MYO3B: variants seen among roughly 807,000 people sequenced by gnomAD.
MYO3B encodes myosin-IIIb.
In MYO3B, 156 loss-of-function variants were observed where a neutral mutation model predicts 174.6. That is an observed-to-expected ratio of 0.89 (90% confidence interval 0.78 to 1.02). The LOEUF is 1.02. MYO3B is among the 50% of genes least tolerant of loss of function. The pLI, the probability that MYO3B is intolerant of heterozygous loss-of-function variation, is 0.00. For missense variants in MYO3B, 1,632 were observed against 1,639.4 expected (o/e 1.00, Z 0.08); for synonymous variants, 563 against 569.1 (o/e 0.99, Z 0.15).
At chr2:170,263,484 G>A (rs1160675499) in intron 7 of MYO3B, among the ~76,000 whole-genome samples, 1 of 152,104 alleles carries the variant, frequency 6.6e-6, no homozygotes, top group Non-Finnish European at 1.5e-5. Flanking sequence ...CTACCATCTC[G>A]GAGAGGGGGA....
At chr2:170,554,290 T>G (rs1691126990) in intron 32 of MYO3B, among the ~76,000 whole-genome samples, 1 of 152,244 alleles carries the variant, frequency 6.6e-6, no homozygotes, top group Admixed American at 6.5e-5. Context: ...TGTGGATACC[T>G]ACCAAGATTG....
At chr2:170,228,060 G>A (rs1345355553) in intron 6 of MYO3B, among the ~76,000 whole-genome samples, 1 of 152,194 alleles carries the variant, frequency 6.6e-6, no homozygotes, top group Non-Finnish European at 1.5e-5. Context: ...GGACAGGGAA[G>A]TGAGAGGCGG....
At position 170,621,514 on chromosome 2, in the gene MYO3B, TG is replaced by T. The variant is rs1202912077; in HGVS notation, c.3734-30113del. On this transcript the variant is annotated intron_variant, in intron 32 of 34. Transcript: ENST00000408978. ...AACTGGAAATGTTTTTTTGTTTTTTTGTTTTTTTGTTTTTGAGACAGAGTCT... is the reference window on the plus strand; with the variant it reads ...AACTGGAAATGTTTTTTTGTTTTTTTTTTTTTTGTTTTTGAGACAGAGTCT... 6.3e-5 allele frequency among the ~76,000 whole-genome samples: 9 copies of T among 141,786 alleles called. No homozygotes were observed. The South Asian group carries it at 9.5e-4, about 15-fold the overall frequency. 93.0% of individuals were successfully genotyped at this position (141,786 alleles called of 152,430 possible). A position where few individuals can be genotyped will look rare whatever the true frequency, so the allele number is the denominator to read the frequency against.
At chr2:170,502,119 G>A (rs569653400) in intron 28 of MYO3B, among the ~76,000 whole-genome samples, 1 of 152,182 alleles carries the variant, frequency 6.6e-6, no homozygotes, top group Non-Finnish European at 1.5e-5. Context: ...TGATATTATA[G>A]AGGAGGAAAC....
At chr2:170,527,972 G>A (rs1039643738) in intron 30 of MYO3B, among the ~76,000 whole-genome samples, 1 of 152,196 alleles carries the variant, frequency 6.6e-6, no homozygotes, top group African/African-American at 2.4e-5. Flanking sequence ...AAATGAATAT[G>A]TGCTCCTTGA....
rs192898911 is a variant in MYO3B, at chr2:170,564,460, G to A, written c.3733+20472G>A. Among the ~76,000 whole-genome samples, 178 of 152,258 alleles carry A rather than the reference G, an allele frequency of 1.2e-3. 1 individual carries two copies. The highest frequency in any genetic ancestry group is 3.7e-3 in the African/African-American group (153 of 41,544). ...TGCACTCCAGCCTGGGCAATGGAAC[G>A]AGCCTCCATCTCAAAAAGTAAATAA... is the stretch of plus-strand genomic sequence containing the variant. On this transcript the variant is annotated intron_variant, in intron 32 of 34. Coordinates refer to ENST00000408978, the MANE Select transcript of MYO3B (RefSeq NM_138995.5).
At chr2:170,476,078 C>A (rs1249849467) in intron 25 of MYO3B, among the ~76,000 whole-genome samples, 1 of 152,072 alleles carries the variant, frequency 6.6e-6, no homozygotes, top group African/African-American at 2.4e-5. Flanking sequence ...CCCTGTCCCC[C>A]CCCACAGGAC....
intron 29 of MYO3B, 125 bp from the exon 30 acceptor site, chr2:170,519,313 C>A: frequency 1.6e-6 from 1 of 626,226 alleles, no homozygotes; most frequent in East Asian, 2.9e-5. Context: ...GAAAAAAAAC[C>A]TATAGAAAGT....
intron 32 of MYO3B, among the ~76,000 whole-genome samples, chr2:170,564,570 G>T (rs1190557423): frequency 6.6e-6 from 1 of 152,136 alleles, no homozygotes; most frequent in Non-Finnish European, 1.5e-5. Flanking sequence ...TGGTATTCCA[G>T]AAATAAGAGA....
chr2:170,557,142 A>ATTTAT (rs1553521195), intron 32 of MYO3B, among the ~76,000 whole-genome samples: 2 of 137,558 alleles, frequency 1.5e-5, no homozygotes, highest in African/African-American at 5.7e-5. Flanking sequence ...TTTTATTTTT[A>ATTTAT]TTTTTATTTT....
chr2:170,230,823 A>C (rs952341798), intron 6 of MYO3B, among the ~76,000 whole-genome samples: 9 of 152,220 alleles, frequency 5.9e-5, no homozygotes, highest in African/African-American at 1.9e-4. Flanking sequence ...TTTCATAAGC[A>C]GTGCTTCGGA....
Position 170,591,894 on chromosome 2 carries a change from C to T in MYO3B, c.3733+47906C>T, listed in dbSNP as rs557172121. On this transcript the variant is annotated intron_variant, in intron 32 of 34. Coordinates refer to ENST00000408978, the MANE Select transcript of MYO3B (RefSeq NM_138995.5). ...AGAACCAGCTGCAAATGTTTACTTC[C>T]AGAAGTTCAACCATTTTGCAATAAA... Among the ~76,000 whole-genome samples the T allele has an allele frequency of 3.9e-5, 6 of 152,304 alleles. No individual in the cohort carries two copies. The East Asian group carries it at 9.6e-4, about 24-fold the overall frequency.
intron 32 of MYO3B, among the ~76,000 whole-genome samples, chr2:170,563,987 A>T (rs552853774): frequency 3.3e-5 from 5 of 152,238 alleles, no homozygotes; most frequent in Non-Finnish European, 7.3e-5. Context: ...TGTTGAGTAG[A>T]CAAGGAGTAG....
At chr2:170,227,776 C>T (rs1460907142) in intron 6 of MYO3B, among the ~76,000 whole-genome samples, 3 of 152,150 alleles carry the variant, frequency 2.0e-5, no homozygotes, top group African/African-American at 7.2e-5. Context: ...GCTTCCCTTC[C>T]TGTTTTTCAG....
At chr2:170,504,141 C>G (rs1350216759) in intron 28 of MYO3B, among the ~76,000 whole-genome samples, 1 of 152,170 alleles carries the variant, frequency 6.6e-6, no homozygotes, top group Non-Finnish European at 1.5e-5. Context: ...AGTGGCTCCC[C>G]GCTTTAGGAG....
chr2:170,391,755 A>G (rs530179343), intron 15 of MYO3B, 137 bp downstream of exon 15: 2 of 592,006 alleles, frequency 3.4e-6, no homozygotes, highest in Middle Eastern at 2.6e-4. Context: ...GTGAGGTGGC[A>G]GGAAGTATCC....
intron 22 of MYO3B, among the ~76,000 whole-genome samples, chr2:170,414,741 T>C (rs148142378): frequency 6.6e-6 from 1 of 152,384 alleles, no homozygotes; most frequent in East Asian, 1.9e-4. Context: ...TTGGATCTTC[T>C]TTGATTTATT....
chr2:170,229,416 C>A (rs1007883961), intron 6 of MYO3B, among the ~76,000 whole-genome samples: 1 of 152,118 alleles, frequency 6.6e-6, no homozygotes, highest in Non-Finnish European at 1.5e-5. Context: ...TAATCCTGAC[C>A]TTTGGTTATA....
rs143324175 is a variant in MYO3B, at chr2:170,470,200, C to T, written c.3014+3489C>T. ...TGTATAAACATGACTACCATCTAAT[C>T]ATAGAACATTTCATTACCTAAAAGG... On this transcript the variant is annotated intron_variant, in intron 25 of 34. Transcript: ENST00000408978. Among the ~76,000 whole-genome samples the T allele has an allele frequency of 1.6e-3, 234 of 148,110 alleles. 1 individual carries two copies. The highest frequency in any genetic ancestry group is 5.2e-3 in the African/African-American group (210 of 40,364).
Sources: gnomAD v4.1 joint callset for allele counts (sites outside exome capture counted in the v4.1 genomes callset) on GRCh38, gnomAD v4.1.1 for gene constraint, MANE v1.5 for transcripts, NCBI Gene and HGNC (gene_info 2026-07-23, HGNC 2026-07-21) for gene names.